MATN4: variants seen among roughly 807,000 people sequenced by gnomAD.
MATN4 encodes the protein matrilin-4.
A neutral mutation model predicts 54.6 loss-of-function variants in MATN4; 40 were observed. The ratio of observed to expected loss-of-function variants is 0.73; its 90% CI spans 0.57 to 0.95. The LOEUF (loss-of-function observed/expected upper bound fraction) is 0.95, where lower values mean the gene tolerates loss of function less well. Ranked by LOEUF, MATN4 falls within the 40% of genes least tolerant of loss-of-function variation. The probability of loss-of-function intolerance (pLI) is 0.00; values close to 1 mark genes in which losing one functional copy is unlikely to be tolerated. For missense variants in MATN4, 810 were observed against 819.1 expected (o/e 0.99, Z 0.13); for synonymous variants, 351 against 345.3 (o/e 1.02, Z -0.18).
At position 45,298,012 on chromosome 20, in the gene MATN4, G is replaced by A. The variant is rs868357384; in HGVS notation, c.1485C>T (p.Ile495=). 2 of 1,614,030 alleles carry A rather than the reference G, an allele frequency of 1.2e-6. No homozygotes were observed. Among genetic ancestry groups the A allele is most frequent in the Non-Finnish European group, 1.7e-6 (2 of 1,179,992 alleles). Reference sequence around the variant, plus strand: ...CGTGCAGTTCCGCTGGCTCCGAGGCGATCTCGCGCAGCTCCGCCTCCACCG... The same window carrying A: ...CGTGCAGTTCCGCTGGCTCCGAGGCAATCTCGCGCAGCTCCGCCTCCACCG... The part of the protein sequence containing the change: ...GKAVEAELRE[I]ASEPAELHVS... Residue 495 remains isoleucine, a synonymous_variant, in exon 8 of 10, where the codon ATC becomes ATT. Coordinates refer to ENST00000372756, the MANE Select transcript of MATN4 (RefSeq NM_001393530.1). The surrounding 1 kb of genome is among the most constrained non-coding windows in gnomAD (Gnocchi z 4.6).
rs763171041 is a variant in MATN4, at chr20:45,305,532, C to T, written c.51G>A (p.Trp17Ter). ...CACCTGTCAACTGGAGCTGGGTTTC[C>T]CAGGGCTGAAGAAGGAGCAGCAACA... Reference protein sequence around the residue: ...WPVLLLLLQPWETQLQLTGPR... With the variant: ...WPVLLLLLQP Residue 17 changes from tryptophan to a stop codon, truncating the protein, a stop_gained, in exon 2 of 10, where the codon TGG becomes TGA. Coordinates refer to ENST00000372756, the MANE Select transcript of MATN4 (RefSeq NM_001393530.1). LOFTEE classifies it high-confidence loss of function. 11 of 1,557,098 alleles carry T rather than the reference C, an allele frequency of 7.1e-6. No individual in the cohort carries two copies. Among genetic ancestry groups the T allele is most frequent in the South Asian group, 4.7e-5 (4 of 84,260 alleles).
At position 45,298,166 on chromosome 20, in the gene MATN4, C is replaced by T. The variant is rs115628315; in HGVS notation, c.1426+4G>A. The T allele has an allele frequency of 6.3e-7, 1 of 1,595,424 alleles. No individual in the cohort carries two copies. The highest frequency in any genetic ancestry group is 1.3e-5 in the African/African-American group (1 of 74,738). ...CAGCCCACTGTGTCCCATGCCAAGC[C>T]CACCTTCCTCCTTGGCGCGCGCTGC... On this transcript the variant is annotated splice_donor_region_variant and intron_variant, in intron 7 of 9. Transcript: ENST00000372756. This position sits in a 1 kb window ranked among gnomAD's most constrained non-coding sequence, Gnocchi z 4.6.
At chr20:45,297,755 G>A (rs1985935991) in intron 8 of MATN4, among the ~76,000 whole-genome samples, 163 bp downstream of exon 8, 2 of 152,190 alleles carry the variant, frequency 1.3e-5, no homozygotes, top group Admixed American at 1.3e-4. Context: ...CCGGGTGACC[G>A]CCCTGCCGCT....
Position 45,293,972 on chromosome 20 carries a change from T to A in MATN4, c.1623A>T (p.Glu541Asp), listed in dbSNP as rs746910393. The change falls in exon 9 of 10, where the codon GAA becomes GAT. Residue 541 changes from glutamate to aspartate, a missense_variant. Coordinates refer to ENST00000372756, the MANE Select transcript of MATN4 (RefSeq NM_001393530.1). ...CCTGGAACTCCACGAGGCTTTCGCA[T>A]TCGCATGGGCTCCGAAGCTCTGTCC... ...SAGTELRSPC[E>D]CESLVEFQGR... 1.2e-6 allele frequency: 2 copies of A among 1,603,776 alleles called. No individual in the cohort carries two copies. The highest frequency in any genetic ancestry group is 4.5e-5 in the East Asian group (2 of 44,830).
chr20:45,305,805 C>CTTTTT lies in MATN4; in HGVS notation c.-34-194_-34-190dup, dbSNP rs758735302. On this transcript the variant is annotated intron_variant, in intron 1 of 9. Coordinates refer to ENST00000372756, the MANE Select transcript of MATN4 (RefSeq NM_001393530.1). ...GGATTGCTGGGAAACACAAGAGATT[C>CTTTTT]TTTTTTTTTTTTTTTTTAGATAGAG... Among the ~76,000 whole-genome samples the CTTTTT allele has an allele frequency of 8.0e-4, 52 of 64,686 alleles. 13 individuals are homozygous for CTTTTT. In the East Asian group the frequency reaches 9.2e-3, roughly 11 times the overall value. The allele number at this position is 64,686 out of a possible 152,430, so 42.4% of individuals were successfully genotyped here. A position where few individuals can be genotyped will look rare whatever the true frequency, so the allele number is the denominator to read the frequency against.
intron 8 of MATN4, among the ~76,000 whole-genome samples, chr20:45,296,071 C>A (rs146100773): frequency 7.3e-5 from 11 of 151,518 alleles, no homozygotes; most frequent in African/African-American, 2.4e-4. Flanking sequence ...AAAAATTAGC[C>A]GGGCGTGGTG....
Position 45,298,398 on chromosome 20 carries a change from C to A in MATN4, c.1198G>T (p.Gly400Cys), listed in dbSNP as rs548157154. 1.9e-6 allele frequency: 3 copies of A among 1,612,656 alleles called. No individual in the cohort carries two copies. Among genetic ancestry groups the A allele is most frequent in the African/African-American group, 2.7e-5 (2 of 75,050 alleles). ...ACCTCGGCTGCGGTGCCGTAGCGACCCAGAGGGAACTCGGTGCGCACGCGG... is the reference window on the plus strand; with the variant it reads ...ACCTCGGCTGCGGTGCCGTAGCGACACAGAGGGAACTCGGTGCGCACGCGG... ...SSRVRTEFPL[G>C]RYGTAAEVKQ... The change falls in exon 7 of 10, where the codon GGT becomes TGT. Residue 400 changes from glycine to cysteine, a missense_variant. By Grantham distance (159) the Gly-to-Cys change is radical. Transcript: ENST00000372756. The surrounding 1 kb of genome is among the most constrained non-coding windows in gnomAD (Gnocchi z 4.6).
chr20:45,304,588 C>A lies in MATN4; in HGVS notation c.283G>T (p.Glu95Ter), dbSNP rs757254508. 1.9e-6 allele frequency: 3 copies of A among 1,598,720 alleles called. No individual in the cohort carries two copies. The highest frequency in any genetic ancestry group is 2.7e-5 in the African/African-American group (2 of 74,694). Residue 95 changes from glutamate to a stop codon, truncating the protein, a stop_gained, in exon 3 of 10, where the codon GAG (glutamate) becomes TAG (stop). Transcript: ENST00000372756. LOFTEE classifies it high-confidence loss of function. Reference protein sequence around the residue: ...VFPLRAFSRREDMERAIRDLV... With the variant: ...VFPLRAFSRR Reference sequence around the variant, plus strand: ...TCGCGGATGGCGCGCTCCATGTCCTCGCGGCGAGAGAACGCGCGGAGAGGG... The same window carrying A: ...TCGCGGATGGCGCGCTCCATGTCCTAGCGGCGAGAGAACGCGCGGAGAGGG...
intron 4 of MATN4, 27 bp from the exon 5 acceptor site, chr20:45,301,251 T>C (rs1191308246): frequency 6.2e-7 from 1 of 1,613,518 alleles, no homozygotes; most frequent in Non-Finnish European, 8.5e-7. Flanking sequence ...AACAGCAAGA[T>C]GTTGCCTCTG....
chr20:45,298,150 G>A lies in MATN4; in HGVS notation c.1426+20C>T, dbSNP rs1985975548. The A allele has an allele frequency of 1.3e-6, 2 of 1,598,380 alleles. No homozygotes were observed. Among genetic ancestry groups the A allele is most frequent in the African/African-American group, 2.7e-5 (2 of 74,694 alleles). Reference sequence around the variant, plus strand: ...GCGTCTGACCCAACCCCAGCCCACTGTGTCCCATGCCAAGCCCACCTTCCT... The same window carrying A: ...GCGTCTGACCCAACCCCAGCCCACTATGTCCCATGCCAAGCCCACCTTCCT... On this transcript the variant is annotated intron_variant, in intron 7 of 9. Coordinates refer to ENST00000372756, the MANE Select transcript of MATN4 (RefSeq NM_001393530.1). The surrounding 1 kb of genome is among the most constrained non-coding windows in gnomAD (Gnocchi z 4.6).
rs867361247 is a variant in MATN4, at chr20:45,304,928, A to G, written c.74-131T>C. Reference sequence around the variant, plus strand: ...CCAGCACAGCAAACGCAGATTAGACAGATGCACTCGCCCGGCATGTGCCTA... The same window carrying G: ...CCAGCACAGCAAACGCAGATTAGACGGATGCACTCGCCCGGCATGTGCCTA... On this transcript the variant is annotated intron_variant, in intron 2 of 9. Transcript: ENST00000372756. 85 of 583,860 alleles carry G rather than the reference A, an allele frequency of 1.5e-4. 1 individual carries two copies. The Middle Eastern group carries it at 2.7e-3, about 18-fold the overall frequency. The allele number at this position is 583,860 out of a possible 1,614,324, so 36.2% of individuals were successfully genotyped here.
At chr20:45,301,255 G>C (rs374652826) in intron 4 of MATN4, 31 bp from the exon 5 acceptor site, 39 of 1,613,470 alleles carry the variant, frequency 2.4e-5, no homozygotes, top group African/African-American at 4.0e-5. Flanking sequence ...GCAAGATGTT[G>C]CCTCTGATTG....
Position 45,293,763 on chromosome 20 carries a change from G to C in MATN4, c.*4C>G, listed in dbSNP as rs2233107. ...CCAGCCCGGGTCTGGGCCGTCCGTGGCCCTCACTTCTGGTTGGCCAGCTGG... is the reference window on the plus strand; with the variant it reads ...CCAGCCCGGGTCTGGGCCGTCCGTGCCCCTCACTTCTGGTTGGCCAGCTGG... On this transcript the variant is annotated 3_prime_UTR_variant, in exon 10 of 10. Transcript: ENST00000372756. 14 of 1,605,284 alleles carry C rather than the reference G, an allele frequency of 8.7e-6. No homozygotes were observed. In the African/African-American group the frequency reaches 1.7e-4, roughly 20 times the overall value.
At position 45,298,199 on chromosome 20, in the gene MATN4, G is replaced by A. The variant is rs1301522217; in HGVS notation, c.1397C>T (p.Ser466Leu). ...FTDGRSQDDI[S>L]VWAARAKEEG... ...CTCCTTGGCGCGCGCTGCCCACACC[G>A]AGATGTCATCCTGGGAGCGGCCATC... Residue 466 changes from serine (S) to leucine (L), a missense_variant, in exon 7 of 10, where the codon TCG becomes TTG. Coordinates refer to ENST00000372756, the MANE Select transcript of MATN4 (RefSeq NM_001393530.1). This position sits in a 1 kb window ranked among gnomAD's most constrained non-coding sequence, Gnocchi z 4.6. 3.1e-6 allele frequency: 5 copies of A among 1,601,332 alleles called. No individual in the cohort carries two copies. Among genetic ancestry groups the A allele is most frequent in the Non-Finnish European group, 3.4e-6 (4 of 1,170,826 alleles).
At chr20:45,304,197 C>T (rs376995432) in intron 3 of MATN4, 31 bp downstream of exon 3, 3 of 1,450,578 alleles carry the variant, frequency 2.1e-6, no homozygotes, top group African/African-American at 1.5e-5. Flanking sequence ...ATTGAGAGTT[C>T]GAGCTTCACT....
chr20:45,306,186 T>C (rs998762363), intron 1 of MATN4, among the ~76,000 whole-genome samples: 9 of 152,154 alleles, frequency 5.9e-5, no homozygotes, highest in African/African-American at 1.9e-4. Context: ...CTTCCTTAAA[T>C]GTCAGGCACA....
chr20:45,306,494 T>A (rs1986686325), intron 1 of MATN4, among the ~76,000 whole-genome samples: 1 of 152,202 alleles, frequency 6.6e-6, no homozygotes, highest in Non-Finnish European at 1.5e-5. Flanking sequence ...TGTGTGGCTG[T>A]CTTTGCAACT....
Position 45,293,597 on chromosome 20 carries a change from G to A in MATN4, c.*170C>T. The A allele has an allele frequency of 1.7e-6, 1 of 590,824 alleles. No homozygotes were observed. The highest frequency in any genetic ancestry group is 2.8e-6 in the Non-Finnish European group (1 of 352,676). The allele number at this position is 590,824 out of a possible 1,614,324, so 36.6% of individuals were successfully genotyped here. On this transcript the variant is annotated 3_prime_UTR_variant, in exon 10 of 10. Coordinates refer to ENST00000372756, the MANE Select transcript of MATN4 (RefSeq NM_001393530.1). The stretch of plus-strand genomic sequence containing the variant: ...CCCCTGACGCCGCAGTCCGCCTAAT[G>A]GTCCGGGCGAGGCCAACTCAGCTCA...
chr20:45,299,096 G>C (rs1986056635), intron 6 of MATN4, among the ~76,000 whole-genome samples: 2 of 152,100 alleles, frequency 1.3e-5, no homozygotes, highest in African/African-American at 4.8e-5. Context: ...AGATTTCATA[G>C]CTAGTACTGA....
Sources: gnomAD v4.1 joint callset for allele counts (sites outside exome capture counted in the v4.1 genomes callset) on GRCh38, gnomAD v4.1.1 for gene constraint, Gnocchi (gnomAD v3.1) non-coding constraint, MANE v1.5 for transcripts, NCBI Gene and HGNC (gene_info 2026-07-23, HGNC 2026-07-21) for gene names.